Variants in CD69 observed in about 807,000 individuals in gnomAD.
CD69 encodes the protein early activation antigen CD69.
In CD69, 10 loss-of-function variants were observed where a neutral mutation model predicts 21.4. The observed-to-expected ratio is 0.47, with a 90% CI of 0.29 to 0.79. The LOEUF (loss-of-function observed/expected upper bound fraction) is 0.79. Ranked by LOEUF, CD69 falls within the 30% of genes least tolerant of loss-of-function variation. The pLI is 0.09. For missense variants in CD69, 204 were observed against 236.9 expected, an observed-to-expected ratio of 0.86 and a Z score of 0.91; for synonymous variants, 63 against 78.2, an observed-to-expected ratio of 0.81 and a Z score of 1.03.
rs779632707 is a variant in CD69 at position 9,760,783 on chromosome 12, G to C, written c.38C>G (p.Ser13Cys). Residue 13 changes from serine (S) to cysteine (C), a missense_variant, in exon 1 of 5, where the codon TCT becomes TGT. Transcript: ENST00000228434. ...SENCFVAENS[S>C]LHPESGQEND... ...TTCTTGTCCACTCTCCGGATGCAAAGAGCTGTTCTCTGCTACGAAACAATT... is the reference window on the plus strand; with the variant it reads ...TTCTTGTCCACTCTCCGGATGCAAACAGCTGTTCTCTGCTACGAAACAATT... 1 of 1,612,868 alleles carries C rather than the reference G, an allele frequency of 6.2e-7. No individual in the cohort carries two copies. The highest frequency in any genetic ancestry group is 8.5e-7 in the Non-Finnish European group (1 of 1,179,832).
chr12:9,758,811 TAACACACCCCAGTGACCCGTGGGTTCCAG>T (rs1349955079), intron 1 of CD69, among the ~76,000 whole-genome samples: 1 of 152,234 alleles, frequency 6.6e-6, no homozygotes, highest in Non-Finnish European at 1.5e-5. Context: ...CAGTGAGCAC[TAACACACCCCAGTGACCCGTGGGTTCCAG>T]AGTCTCAGTC....
At chr12:9,755,319 G>T in intron 2 of CD69, 58 bp from the exon 3 acceptor site, 1 of 1,367,714 alleles carries the variant, frequency 7.3e-7, no homozygotes, top group Non-Finnish European at 1.0e-6. Context: ...CCCACAGCAT[G>T]CAAAACTAGC....
chr12:9,755,328 G>A (rs1420692089), intron 2 of CD69, 67 bp from the exon 3 acceptor site: 17 of 1,250,332 alleles, frequency 1.4e-5, no homozygotes, highest in Non-Finnish European at 1.8e-5. Context: ...TGCAAAACTA[G>A]CCTTAGGATG....
rs755061113 is a variant in CD69 at position 9,754,693 on chromosome 12, T to C, written c.388-3A>G. 23 of 1,574,002 alleles carry C rather than the reference T, an allele frequency of 1.5e-5. No individual in the cohort carries two copies. In the Admixed American group the frequency reaches 3.8e-4, roughly 26 times the overall value. ...CCTGCGTATCGTTTTAGAAAGTTCT[T>C]AAAGAAAGCACAAAGGAGTTTGTTA... On this transcript the variant is annotated splice_region_variant and splice_polypyrimidine_tract_variant and intron_variant, in intron 3 of 4. Transcript: ENST00000228434.
Position 9,753,505 on chromosome 12 carries a change from C to G in CD69, c.576G>C (p.Trp192Cys). 2 of 1,489,618 alleles carry G rather than the reference C, an allele frequency of 1.3e-6. No individual in the cohort carries two copies. The highest frequency in any genetic ancestry group is 1.1e-5 in the South Asian group (1 of 87,760). The allele number at this position is 1,489,618 out of a possible 1,614,324, so 92.3% of individuals were successfully genotyped here. A position where few individuals can be genotyped will look rare whatever the true frequency, so the allele number is the denominator to read the frequency against. The change falls in exon 5 of 5, where the codon TGG becomes TGC. Residue 192 changes from tryptophan to cysteine, a missense_variant. Physicochemically the swap from Trp to Cys is radical, Grantham distance 215. Coordinates refer to ENST00000228434, the MANE Select transcript of CD69 (RefSeq NM_001781.2). ...ATTATTTGTAAGGTTTGTTACATAT[C>G]CAGTATAAATTCTTCTCACATTCCA... Reference protein sequence around the residue: ...SSMECEKNLYWICNKPYK With the variant: ...SSMECEKNLYCICNKPYK
intron 1 of CD69, among the ~76,000 whole-genome samples, 156 bp downstream of exon 1, chr12:9,760,601 A>G (rs1203487308): frequency 6.6e-6 from 1 of 152,198 alleles, no homozygotes; most frequent in Non-Finnish European, 1.5e-5. Context: ...TTCCTTCCCT[A>G]ACAACCATTA....
At chr12:9,759,423 G>C (rs1231095401) in intron 1 of CD69, among the ~76,000 whole-genome samples, 1 of 151,908 alleles carries the variant, frequency 6.6e-6, no homozygotes, top group Non-Finnish European at 1.5e-5. Context: ...ACAGTATCAG[G>C]AAAAGTTAAA....
At chr12:9,758,818 C>T (rs1006805337) in intron 1 of CD69, among the ~76,000 whole-genome samples, 5 of 152,232 alleles carry the variant, frequency 3.3e-5, no homozygotes. Context: ...CACTAACACA[C>T]CCCAGTGACC....
At chr12:9,757,583 A>G (rs970067793) in intron 1 of CD69, among the ~76,000 whole-genome samples, 1 of 152,220 alleles carries the variant, frequency 6.6e-6, no homozygotes, top group Non-Finnish European at 1.5e-5. Context: ...GCAATTCAAA[A>G]TAAGACAACT....
chr12:9,759,484 G>GTTA (rs57945372), intron 1 of CD69, among the ~76,000 whole-genome samples: 21,690 of 148,194 alleles, frequency 0.15, 1,700 homozygotes, highest in African/African-American at 0.2. Flanking sequence ...TTATTGAGTA[G>GTTA]TTATTATTAT....
intron 1 of CD69, among the ~76,000 whole-genome samples, chr12:9,757,660 A>T (rs900581209): frequency 1.3e-5 from 2 of 152,226 alleles, no homozygotes; most frequent in African/African-American, 2.4e-5. Context: ...CAGCCACAGA[A>T]GATTGTATAC....
intron 4 of CD69, 154 bp downstream of exon 4, chr12:9,754,430 GTTA>G: frequency 1.9e-6 from 1 of 530,928 alleles, no homozygotes; most frequent in Non-Finnish European, 3.4e-6. Context: ...AATAAAGCCT[GTTA>G]TTAAAGAATT....
At chr12:9,754,172 T>G (rs2121097171) in intron 4 of CD69, 1 of 155,634 alleles carries the variant, frequency 6.4e-6, no homozygotes, top group Admixed American at 6.4e-5. Flanking sequence ...TAATTAGGCA[T>G]TGAAACTATT....
intron 1 of CD69, among the ~76,000 whole-genome samples, chr12:9,757,878 G>A (rs979061225): frequency 6.6e-6 from 1 of 152,164 alleles, no homozygotes; most frequent in Non-Finnish European, 1.5e-5. Context: ...GTATACCTAC[G>A]AGCTGTGCAT....
In CD69 at chr12:9,760,896, G is replaced by A; in HGVS notation, c.-76C>T. On this transcript the variant is annotated 5_prime_UTR_variant, in exon 1 of 5. Coordinates refer to ENST00000228434, the MANE Select transcript of CD69 (RefSeq NM_001781.2). Reference sequence around the variant, plus strand: ...GAAAGTCTTTGCTGGAGCTCTTGTTGAGTCTGTGAGGCTCTGAGGCATCTC... The same window carrying A: ...GAAAGTCTTTGCTGGAGCTCTTGTTAAGTCTGTGAGGCTCTGAGGCATCTC... 1 of 1,196,050 alleles carries A rather than the reference G, an allele frequency of 8.4e-7. No homozygotes were observed. The highest frequency in any genetic ancestry group is 1.5e-5 in the African/African-American group (1 of 67,136). 74.1% of individuals were successfully genotyped at this position (1,196,050 alleles called of 1,614,324 possible).
At chr12:9,757,647 A>T (rs1398673594) in intron 1 of CD69, among the ~76,000 whole-genome samples, 6 of 152,240 alleles carry the variant, frequency 3.9e-5, no homozygotes, top group Non-Finnish European at 7.3e-5. Context: ...GTGAAAAAAA[A>T]TCCAGCCACA....
chr12:9,754,703 A>T lies in CD69; in HGVS notation c.388-13T>A. On this transcript the variant is annotated splice_polypyrimidine_tract_variant and intron_variant, in intron 3 of 4. Transcript: ENST00000228434. The stretch of plus-strand genomic sequence containing the variant: ...GTTTTAGAAAGTTCTTAAAGAAAGC[A>T]CAAAGGAGTTTGTTACATTAAACAC... 1 of 1,524,736 alleles carries T rather than the reference A, an allele frequency of 6.6e-7. No individual in the cohort carries two copies. The highest frequency in any genetic ancestry group is 1.1e-5 in the South Asian group (1 of 89,270). 94.5% of individuals were successfully genotyped at this position (1,524,736 alleles called of 1,614,324 possible).
intron 1 of CD69, among the ~76,000 whole-genome samples, chr12:9,757,790 G>A (rs1031191864): frequency 1.3e-5 from 2 of 152,220 alleles, no homozygotes; most frequent in African/African-American, 4.8e-5. Context: ...TGGGACACAG[G>A]GCAAACTGTC....
Position 9,752,662 on chromosome 12 carries a change from A to G in CD69, c.*819T>C, listed in dbSNP as rs936732463. 6.6e-6 allele frequency: 1 copy of G among 152,640 alleles called. No individual in the cohort carries two copies. The highest frequency in any genetic ancestry group is 2.4e-5 in the African/African-American group (1 of 41,468). 9.5% of individuals were successfully genotyped at this position (152,640 alleles called of 1,614,324 possible). Reference sequence around the variant, plus strand: ...ACAAACCTATTATAAGACTAGTATTATTCTAGGTCTGAAGATTACAGAATA... The same window carrying G: ...ACAAACCTATTATAAGACTAGTATTGTTCTAGGTCTGAAGATTACAGAATA... On this transcript the variant is annotated 3_prime_UTR_variant, in exon 5 of 5. Transcript: ENST00000228434.
Sources: allele counts gnomAD v4.1 joint callset (sites outside exome capture counted in the v4.1 genomes callset), GRCh38; gene constraint gnomAD v4.1.1; transcripts MANE v1.5; gene names NCBI Gene and HGNC (gene_info 2026-07-23, HGNC 2026-07-21).